Variants in TRPC3 observed in about 807,000 individuals in gnomAD.
TRPC3 encodes short transient receptor potential channel 3.
In TRPC3, 54 loss-of-function variants were observed where a neutral mutation model predicts 90.9. That is an observed-to-expected ratio of 0.59 (90% CI 0.48 to 0.75). TRPC3 has a LOEUF of 0.75. Ranked by LOEUF, TRPC3 falls within the 30% of genes least tolerant of loss-of-function variation. The pLI, the probability that TRPC3 is intolerant of heterozygous loss-of-function variation, is 0.00. For synonymous variants in TRPC3, 424 were observed against 450.9 expected, an observed-to-expected ratio of 0.94 and a Z score of 0.75; for missense variants, 918 against 1,194.5, an observed-to-expected ratio of 0.77 and a Z score of 3.41.
intron 1 of TRPC3, among the ~76,000 whole-genome samples, chr4:121,937,252 T>C (rs1278688855): frequency 2.6e-5 from 4 of 152,196 alleles, no homozygotes; most frequent in Non-Finnish European, 4.4e-5. Flanking sequence ...GCCCTTTAAA[T>C]GAAAGTTCTT....
chr4:121,938,345 A>C (rs1423125222), intron 1 of TRPC3, among the ~76,000 whole-genome samples: 2 of 152,164 alleles, frequency 1.3e-5, no homozygotes, highest in Non-Finnish European at 2.9e-5. Flanking sequence ...CAGGTTTAGA[A>C]ATTTCAAGGT....
In TRPC3 at chr4:121,875,009, C is replaced by T. The variant is rs1314413615; in HGVS notation, c.*4727G>A. On this transcript the variant is annotated 3_prime_UTR_variant, in exon 12 of 12. Coordinates refer to ENST00000379645, the MANE Select transcript of TRPC3 (RefSeq NM_001130698.2). ...AAAAAAAATGAAAAGTAAAGATAAA[C>T]ATTTCAATATGTCACAACAATGTTT... is the stretch of plus-strand genomic sequence containing the variant. 6.6e-6 allele frequency among the ~76,000 whole-genome samples: 1 copy of T among 151,792 alleles called. No individual in the cohort carries two copies. Among genetic ancestry groups the T allele is most frequent in the Non-Finnish European group, 1.5e-5 (1 of 67,948 alleles).
chr4:121,894,555 GTTTTTTT>G (rs374034360), intron 10 of TRPC3, among the ~76,000 whole-genome samples: 1 of 63,370 alleles, frequency 1.6e-5, no homozygotes, highest in African/African-American at 6.4e-5. Flanking sequence ...TACACATTCT[GTTTTTTT>G]TTTTTTTTTT....
At chr4:121,930,534 C>A (rs1332981265) in intron 2 of TRPC3, among the ~76,000 whole-genome samples, 1 of 152,144 alleles carries the variant, frequency 6.6e-6, no homozygotes. Flanking sequence ...CATGGTTGCA[C>A]TGAGCTGACG....
chr4:121,899,794 C>A, intron 9 of TRPC3, 99 bp from the exon 10 acceptor site: 1 of 897,172 alleles, frequency 1.1e-6, no homozygotes, highest in Non-Finnish European at 1.7e-6. Flanking sequence ...CTGGAGTCAA[C>A]ATTCCCAAGA....
chr4:121,919,833 C>T (rs1729442562), intron 3 of TRPC3, among the ~76,000 whole-genome samples: 1 of 152,118 alleles, frequency 6.6e-6, no homozygotes, highest in African/African-American at 2.4e-5. Context: ...TTCTGAGAGC[C>T]CAGTTTTCCA....
At chr4:121,890,266 A>C (rs2149108825) in intron 10 of TRPC3, among the ~76,000 whole-genome samples, 1 of 152,288 alleles carries the variant, frequency 6.6e-6, no homozygotes, top group South Asian at 2.1e-4. Context: ...TAGGGGGACT[A>C]TAGTTAACAA....
At chr4:121,887,258 A>T (rs1442672145) in intron 10 of TRPC3, among the ~76,000 whole-genome samples, 2 of 152,092 alleles carry the variant, frequency 1.3e-5, no homozygotes, top group East Asian at 3.8e-4. Flanking sequence ...ATTTATTTCT[A>T]TTTCATATAT....
At chr4:121,922,110 G>C (rs1453832272) in intron 3 of TRPC3, among the ~76,000 whole-genome samples, 2 of 151,768 alleles carry the variant, frequency 1.3e-5, no homozygotes, top group Non-Finnish European at 2.9e-5. Context: ...TTTTAGTAGA[G>C]ACAGGGTTTC....
chr4:121,914,455 A>C (rs1181082057), intron 4 of TRPC3, among the ~76,000 whole-genome samples: 1 of 152,200 alleles, frequency 6.6e-6, no homozygotes, highest in Admixed American at 6.5e-5. Context: ...AGCCCAGTCG[A>C]CACTCTACTT....
Position 121,932,636 on chromosome 4 carries a change from G to A in TRPC3, c.622C>T (p.Leu208=). The part of the protein sequence containing the change: ...PGFAASKRLT[L]SPCEQELQDD... ...TGCAGCTCCTGCTCACAGGGGCTCA[G>A]AGTGAGACGCTTGCTGGCCGCGAAG... Residue 208 remains leucine (L), a synonymous_variant, in exon 2 of 12, where the codon CTG becomes TTG. Coordinates refer to ENST00000379645, the MANE Select transcript of TRPC3 (RefSeq NM_001130698.2). This position sits in a 1 kb window ranked among gnomAD's most constrained non-coding sequence, Gnocchi z 7.7. 2 of 1,612,964 alleles carry A rather than the reference G, an allele frequency of 1.2e-6. No homozygotes were observed. The highest frequency in any genetic ancestry group is 8.5e-7 in the Non-Finnish European group (1 of 1,179,138).
rs544225072 is a variant in TRPC3 at position 121,882,533 on chromosome 4, G to A, written c.2548-104C>T. On this transcript the variant is annotated intron_variant, in intron 10 of 11. Coordinates refer to ENST00000379645, the MANE Select transcript of TRPC3 (RefSeq NM_001130698.2). ...TACCTGTAAAGCAAACAACTCAGGG[G>A]AGAAAAAAATTTTATAACTATGTAT... The A allele has an allele frequency of 3.2e-5, 32 of 987,026 alleles. 1 individual carries two copies. The African/African-American group carries it at 3.4e-4, about 10-fold the overall frequency. 61.1% of individuals were successfully genotyped at this position (987,026 alleles called of 1,614,324 possible).
chr4:121,930,851 A>AAC, intron 2 of TRPC3: 1 of 398,442 alleles, frequency 2.5e-6, no homozygotes, highest in Non-Finnish European at 4.8e-6. Context: ...AAAAAAAAAA[A>AAC]AACATTTTGG....
At chr4:121,912,621 T>C (rs1320275194) in intron 4 of TRPC3, among the ~76,000 whole-genome samples, 1 of 152,180 alleles carries the variant, frequency 6.6e-6, no homozygotes, top group Non-Finnish European at 1.5e-5. Context: ...CCTGGTATGC[T>C]ATAAAAAAGG....
intron 1 of TRPC3, among the ~76,000 whole-genome samples, chr4:121,936,926 A>T (rs1380689984): frequency 1.3e-5 from 2 of 152,190 alleles, no homozygotes; most frequent in Non-Finnish European, 2.9e-5. Context: ...TTTTAAGGCA[A>T]AACATTTTTT....
At chr4:121,910,062 A>G in intron 6 of TRPC3, 92 bp downstream of exon 6, 1 of 935,006 alleles carries the variant, frequency 1.1e-6, no homozygotes, top group South Asian at 1.5e-5. Context: ...TACACCTCTC[A>G]TACTAAACAT....
intron 3 of TRPC3, among the ~76,000 whole-genome samples, chr4:121,919,870 A>G (rs1343876719): frequency 1.3e-5 from 2 of 152,188 alleles, no homozygotes; most frequent in Non-Finnish European, 2.9e-5. Flanking sequence ...AAGCTCTAGT[A>G]TCTTTTGTCA....
At chr4:121,884,748 T>C (rs1728054556) in intron 10 of TRPC3, among the ~76,000 whole-genome samples, 2 of 152,210 alleles carry the variant, frequency 1.3e-5, no homozygotes, top group African/African-American at 4.8e-5. Flanking sequence ...TTGTAGAATC[T>C]AGATCCCAGG....
At chr4:121,887,397 T>C (rs1728161205) in intron 10 of TRPC3, among the ~76,000 whole-genome samples, 1 of 152,222 alleles carries the variant, frequency 6.6e-6, no homozygotes, top group South Asian at 2.1e-4. Context: ...GCATGACTTA[T>C]ATCTTTGTAT....
Sources: allele counts gnomAD v4.1 joint callset (sites outside exome capture counted in the v4.1 genomes callset), GRCh38; gene constraint gnomAD v4.1.1; non-coding constraint Gnocchi (gnomAD v3.1); transcripts MANE v1.5; gene names NCBI Gene and HGNC (gene_info 2026-07-23, HGNC 2026-07-21).